TAF1A: variants seen among roughly 807,000 people sequenced by gnomAD.
The protein encoded by TAF1A is TATA box-binding protein-associated factor RNA polymerase I subunit A.
Under a neutral mutation model 61.6 loss-of-function variants are expected in TAF1A, and 42 were observed. The ratio of observed to expected loss-of-function variants is 0.68; its 90% CI spans 0.53 to 0.88. The LOEUF (loss-of-function observed/expected upper bound fraction) is 0.88. Among genes scored for constraint, TAF1A ranks in the 40% least tolerant of loss-of-function variants. TAF1A has a pLI of 0.00. For missense variants in TAF1A, 424 were observed against 518.7 expected (o/e 0.82, Z 1.77); for synonymous variants, 179 against 177.7 (o/e 1.01, Z -0.06).
intron 4 of TAF1A, 127 bp downstream of exon 4, chr1:222,579,632 T>C (rs917192773): frequency 1.7e-5 from 19 of 1,149,406 alleles, no homozygotes; most frequent in Non-Finnish European, 2.3e-5. Flanking sequence ...TTTCAGTTTC[T>C]CTTATTTATC....
Position 222,558,734 on chromosome 1 carries a change from G to T in TAF1A, c.1279C>A (p.Gln427Lys). Residue 427 changes from glutamine (Q) to lysine (K), a missense_variant, in exon 11 of 11, where the codon CAA (glutamine) becomes AAA (lysine). Gln to Lys is a moderately conservative substitution (Grantham distance 53, BLOSUM62 1). Coordinates refer to ENST00000352967, the MANE Select transcript of TAF1A (RefSeq NM_005681.4). ...CGCTTAATTTTCTTCCCTAAGATTT[G>T]GTGATCTTGCTTTAAAATATACCGG... is the stretch of plus-strand genomic sequence containing the variant. ...YFRYILKQDH[Q>K]ILGKKIKRMK... 6.4e-7 allele frequency: 1 copy of T among 1,556,528 alleles called. No individual in the cohort carries two copies. The highest frequency in any genetic ancestry group is 8.7e-7 in the Non-Finnish European group (1 of 1,147,692).
At chr1:222,584,908 G>A (rs113279424) in intron 2 of TAF1A, among the ~76,000 whole-genome samples, 5 of 152,268 alleles carry the variant, frequency 3.3e-5, no homozygotes, top group African/African-American at 1.2e-4. Context: ...ACGTAACTAT[G>A]AGACCCCTCT....
intron 10 of TAF1A, among the ~76,000 whole-genome samples, chr1:222,560,794 C>T (rs945148220): frequency 6.6e-6 from 1 of 152,084 alleles, no homozygotes; most frequent in Non-Finnish European, 1.5e-5. Flanking sequence ...AGTTTCATTT[C>T]GGTACTGGCC....
chr1:222,586,073 C>T (rs911433703), intron 2 of TAF1A, among the ~76,000 whole-genome samples: 3 of 152,182 alleles, frequency 2.0e-5, no homozygotes, highest in African/African-American at 2.4e-5. Flanking sequence ...GACTAGTGTT[C>T]TCAGACTTTT....
At chr1:222,581,821 C>G (rs532449746) in intron 3 of TAF1A, among the ~76,000 whole-genome samples, 2 of 152,030 alleles carry the variant, frequency 1.3e-5, no homozygotes, top group Non-Finnish European at 2.9e-5. Flanking sequence ...AACAAGGAGA[C>G]CAGTGAGGAT....
intron 5 of TAF1A, among the ~76,000 whole-genome samples, chr1:222,574,231 G>T (rs752394923): frequency 6.6e-6 from 1 of 152,130 alleles, no homozygotes; most frequent in African/African-American, 2.4e-5. Context: ...TATATTTTAA[G>T]TGGGTGAATT....
chr1:222,561,738 C>G (rs1659925496), intron 9 of TAF1A, among the ~76,000 whole-genome samples: 2 of 152,158 alleles, frequency 1.3e-5, no homozygotes, highest in African/African-American at 4.8e-5. Flanking sequence ...TTTCACTAAA[C>G]AGACAGTTTA....
chr1:222,557,261 A>C (rs1008813785), downstream of TAF1A, among the ~76,000 whole-genome samples: 8 of 152,198 alleles, frequency 5.3e-5, no homozygotes, highest in Non-Finnish European at 1.2e-4. Flanking sequence ...AGAAGCACTT[A>C]TTCTACCAAT....
intron 1 of TAF1A, among the ~76,000 whole-genome samples, chr1:222,589,317 A>G (rs1233458782): frequency 1.3e-5 from 2 of 152,038 alleles, no homozygotes; most frequent in Admixed American, 1.3e-4. Flanking sequence ...CTACAGCACT[A>G]CTCTAGTTCA....
chr1:222,582,596 T>C (rs1660829091), intron 3 of TAF1A, among the ~76,000 whole-genome samples: 1 of 152,158 alleles, frequency 6.6e-6, no homozygotes, highest in African/African-American at 2.4e-5. Context: ...CTCCCAGGTG[T>C]AGACCCAGGA....
At chr1:222,556,516 T>G (rs991291609), downstream of TAF1A, among the ~76,000 whole-genome samples, 14 of 152,172 alleles carry the variant, frequency 9.2e-5, no homozygotes, top group African/African-American at 3.4e-4. Flanking sequence ...AATGACCTCA[T>G]TTTCTTTATT....
Position 222,558,507 on chromosome 1 carries a change from C to T in TAF1A, c.*153G>A, listed in dbSNP as rs897853237. The stretch of plus-strand genomic sequence containing the variant: ...GAGCAAAGGCAGTAATATTGTTTCT[C>T]TAGCTATAAATAATACAAAAATATA... On this transcript the variant is annotated 3_prime_UTR_variant, in exon 11 of 11. Coordinates refer to ENST00000352967, the MANE Select transcript of TAF1A (RefSeq NM_005681.4). 2.6e-5 allele frequency: 8 copies of T among 310,730 alleles called. No individual in the cohort carries two copies. Among genetic ancestry groups the T allele is most frequent in the Admixed American group, 4.8e-5 (1 of 20,666 alleles). The allele number at this position is 310,730 out of a possible 1,614,324, so 19.2% of individuals were successfully genotyped here. A position where few individuals can be genotyped will look rare whatever the true frequency, so the allele number is the denominator to read the frequency against.
chr1:222,566,972 A>G (rs1234016204), intron 7 of TAF1A, among the ~76,000 whole-genome samples: 1 of 152,236 alleles, frequency 6.6e-6, no homozygotes, highest in Non-Finnish European at 1.5e-5. Flanking sequence ...AAGTGAAAGC[A>G]GCGAACTCCA....
intron 4 of TAF1A, 96 bp from the exon 5 acceptor site, chr1:222,577,739 T>C: frequency 2.7e-6 from 3 of 1,101,370 alleles, no homozygotes; most frequent in Non-Finnish European, 4.0e-6. Flanking sequence ...GGCAAAGACC[T>C]TGGTAGGATA....
intron 5 of TAF1A, 102 bp from the exon 6 acceptor site, chr1:222,570,767 T>G: frequency 9.1e-7 from 1 of 1,099,578 alleles, no homozygotes; most frequent in Non-Finnish European, 1.3e-6. Context: ...CAGTTGCTGA[T>G]AGCTACAACA....
intron 5 of TAF1A, among the ~76,000 whole-genome samples, chr1:222,577,227 C>A (rs1660606869): frequency 1.3e-5 from 2 of 152,108 alleles, no homozygotes; most frequent in African/African-American, 2.4e-5. Flanking sequence ...CAGCAATGAA[C>A]CTAAAATGAT....
intron 2 of TAF1A, among the ~76,000 whole-genome samples, chr1:222,585,552 A>T (rs1483347159): frequency 1.3e-5 from 2 of 151,780 alleles, no homozygotes; most frequent in Non-Finnish European, 2.9e-5. Flanking sequence ...GGTTCAAGTG[A>T]TCCTTCCTTT....
chr1:222,579,852 A>G lies in TAF1A; in HGVS notation c.312T>C (p.Ser104=), dbSNP rs747911794. ...AAPEIIWKLG[S]EILFYHPKSN... ...TTTTGGGATGATAAAATAGAATTTC[A>G]CTTCCGAGCTTCCAAATAATCTGTC... Residue 104 remains serine, a synonymous_variant, in exon 4 of 11, where the codon AGT becomes AGC. Coordinates refer to ENST00000352967, the MANE Select transcript of TAF1A (RefSeq NM_005681.4). 8 of 1,605,124 alleles carry G rather than the reference A, an allele frequency of 5.0e-6. No homozygotes were observed. The highest frequency in any genetic ancestry group is 6.8e-6 in the Non-Finnish European group (8 of 1,177,704).
intron 7 of TAF1A, among the ~76,000 whole-genome samples, chr1:222,565,972 G>A (rs756531982): frequency 3.9e-5 from 6 of 152,168 alleles, no homozygotes; most frequent in Non-Finnish European, 5.9e-5. Flanking sequence ...TTTTGATCAC[G>A]AAAGTATAAA....
Sources: allele counts gnomAD v4.1 joint callset (sites outside exome capture counted in the v4.1 genomes callset), GRCh38; gene constraint gnomAD v4.1.1; transcripts MANE v1.5; gene names NCBI Gene and HGNC (gene_info 2026-07-23, HGNC 2026-07-21).